SLC20A2: variants seen among roughly 807,000 people sequenced by gnomAD.
SLC20A2 encodes solute carrier family 20 member 2.
SLC20A2 carries 30 observed loss-of-function variants against 61.0 expected under a neutral mutation model. That is an observed-to-expected ratio of 0.49 (90% CI 0.37 to 0.67). SLC20A2 has a LOEUF of 0.67. SLC20A2 is among the 30% of genes least tolerant of loss of function. SLC20A2 has a pLI of 0.00. For missense variants in SLC20A2, 626 were observed against 866.4 expected (o/e 0.72, Z 3.48); for synonymous variants, 351 against 353.3 (o/e 0.99, Z 0.07).
chr8:42,467,482 G>A (rs899636829), intron 2 of SLC20A2, among the ~76,000 whole-genome samples: 3 of 152,186 alleles, frequency 2.0e-5, no homozygotes, highest in Non-Finnish European at 2.9e-5. Context: ...AGCTGGGCAC[G>A]TTATTAATCC....
intron 1 of SLC20A2, among the ~76,000 whole-genome samples, chr8:42,512,211 T>C (rs1811070782): frequency 6.6e-6 from 1 of 152,182 alleles, no homozygotes; most frequent in Non-Finnish European, 1.5e-5. Flanking sequence ...GACTCAGATC[T>C]GTTTTTTAAA....
chr8:42,539,439 T>C (rs902244806), intron 1 of SLC20A2, among the ~76,000 whole-genome samples: 12 of 152,224 alleles, frequency 7.9e-5, no homozygotes, highest in African/African-American at 2.9e-4. Context: ...AACTTACTAT[T>C]AATGCACAAA....
At chr8:42,535,983 G>A (rs1044302257) in intron 1 of SLC20A2, among the ~76,000 whole-genome samples, 8 of 152,120 alleles carry the variant, frequency 5.3e-5, no homozygotes, top group East Asian at 3.8e-4. Context: ...TCCTAGCTTC[G>A]TAGGCTGAAA....
intron 4 of SLC20A2, among the ~76,000 whole-genome samples, chr8:42,461,227 T>C (rs1806671919): frequency 2.6e-5 from 4 of 152,252 alleles, no homozygotes; most frequent in African/African-American, 9.6e-5. Context: ...GAGCCTGGCA[T>C]GAGTGACACA....
chr8:42,536,159 AAGGTAT>A lies in SLC20A2; in HGVS notation c.-265+5656_-265+5661del, dbSNP rs1389395069. Among the ~76,000 whole-genome samples, 4 of 152,346 alleles carry A rather than the reference AAGGTAT, an allele frequency of 2.6e-5. No individual in the cohort carries two copies. In the East Asian group the frequency reaches 7.7e-4, roughly 29 times the overall value. On this transcript the variant is annotated intron_variant, in intron 1 of 10. Coordinates refer to the SLC20A2 transcript ENST00000342228. ...TTCCTCAGATACTTAAACAGAACAC[AAGGTAT>A]AGGTCAATATTCATTATTACAAGTT...
chr8:42,519,922 C>T (rs1811540734), intron 1 of SLC20A2, among the ~76,000 whole-genome samples: 1 of 151,820 alleles, frequency 6.6e-6, no homozygotes, highest in Middle Eastern at 3.4e-3. Flanking sequence ...AACAAAAGTG[C>T]CAGTGGTGCT....
At chr8:42,460,095 C>T in intron 4 of SLC20A2, 103 bp from the exon 5 acceptor site, 1 of 680,824 alleles carries the variant, frequency 1.5e-6, no homozygotes, top group Non-Finnish European at 2.6e-6. Context: ...AAACTCTTCC[C>T]AAACCCCAGT....
chr8:42,444,258 C>T (rs1805033521), intron 6 of SLC20A2, among the ~76,000 whole-genome samples: 1 of 152,196 alleles, frequency 6.6e-6, no homozygotes, highest in African/African-American at 2.4e-5. Context: ...GGGAGAGTTC[C>T]AATTATTTCA....
At chr8:42,526,483 C>A (rs1343295004) in intron 1 of SLC20A2, among the ~76,000 whole-genome samples, 2 of 151,940 alleles carry the variant, frequency 1.3e-5, no homozygotes, top group African/African-American at 2.4e-5. Flanking sequence ...ACCCTCCTGG[C>A]TAACACAGTG....
intron 1 of SLC20A2, among the ~76,000 whole-genome samples, chr8:42,499,008 G>A (rs1810141429): frequency 1.3e-5 from 2 of 152,164 alleles, no homozygotes; most frequent in African/African-American, 4.8e-5. Context: ...ATCTGCAACC[G>A]GCAGCGATTC....
rs541034847 is a variant in SLC20A2, at chr8:42,486,108, A to C, written c.-264-13454T>G. ...GTAATTATATTGTCTTTTATCATTA[A>C]CTACTTAATTATCTTTAGCAGAGCT... On this transcript the variant is annotated intron_variant, in intron 1 of 10. Coordinates refer to ENST00000520262, the MANE Select transcript of SLC20A2 (RefSeq NM_001257180.2). Among the ~76,000 whole-genome samples the C allele has an allele frequency of 9.3e-4, 140 of 150,970 alleles. 1 individual carries two copies. The highest frequency in any genetic ancestry group is 3.2e-3 in the African/African-American group (132 of 40,832).
Position 42,521,173 on chromosome 8 carries a change from A to G in SLC20A2, c.-265+20648T>C, listed in dbSNP as rs1297380274. On this transcript the variant is annotated intron_variant, in intron 1 of 10. Transcript: ENST00000342228. ...CCCGTACACAAATGTTCATAGCAAC[A>G]CTATTTGTAAAAACAAAATAACCCA... is the stretch of plus-strand genomic sequence containing the variant. Among the ~76,000 whole-genome samples, 2 of 121,940 alleles carry G rather than the reference A, an allele frequency of 1.6e-5. 1 individual carries two copies. The allele number at this position is 121,940 out of a possible 152,430, so 80.0% of individuals were successfully genotyped here.
intron 10 of SLC20A2, among the ~76,000 whole-genome samples, chr8:42,426,793 A>AC (rs1217998998): frequency 6.6e-6 from 1 of 152,238 alleles, no homozygotes; most frequent in African/African-American, 2.4e-5. Context: ...TAGGTTAATC[A>AC]TTAAAAAGAT....
intron 1 of SLC20A2, chr8:42,534,609 C>G (rs139866124): frequency 2.0e-5 from 3 of 152,082 alleles, no homozygotes; most frequent in African/African-American, 7.2e-5. Flanking sequence ...GATCTATTTG[C>G]GAGGATTTAA....
At position 42,417,974 on chromosome 8, in the gene SLC20A2, G is replaced by A. The variant is rs1247443170; in HGVS notation, c.1795-7C>T. The A allele has an allele frequency of 6.2e-7, 1 of 1,611,624 alleles. No individual in the cohort carries two copies. The highest frequency in any genetic ancestry group is 2.2e-5 in the East Asian group (1 of 44,856). ...CGGCCACCACCGAGCCCACCTGTGG[G>A]AGCAGACATTGCAAAGTAAAAACAG... On this transcript the variant is annotated splice_region_variant and splice_polypyrimidine_tract_variant and intron_variant, in intron 10 of 10. Coordinates refer to ENST00000520262, the MANE Select transcript of SLC20A2 (RefSeq NM_001257180.2).
At chr8:42,460,898 T>C (rs1321628113) in intron 4 of SLC20A2, among the ~76,000 whole-genome samples, 2 of 152,188 alleles carry the variant, frequency 1.3e-5, no homozygotes, top group Non-Finnish European at 2.9e-5. Flanking sequence ...TACATGAACA[T>C]GCTACCTGCC....
intron 7 of SLC20A2, among the ~76,000 whole-genome samples, chr8:42,439,122 A>G (rs1031688777): frequency 1.3e-5 from 2 of 152,174 alleles, no homozygotes; most frequent in African/African-American, 4.8e-5. Flanking sequence ...GGGTTAACCA[A>G]CGTTCAGCAA....
chr8:42,492,924 A>G (rs1586196689), intron 1 of SLC20A2, among the ~76,000 whole-genome samples: 2 of 152,002 alleles, frequency 1.3e-5, no homozygotes, highest in Admixed American at 1.3e-4. Flanking sequence ...CTCGTGATCC[A>G]CCCACCTCAG....
intron 1 of SLC20A2, among the ~76,000 whole-genome samples, chr8:42,494,765 A>T (rs1004096545): frequency 6.6e-6 from 1 of 152,118 alleles, no homozygotes; most frequent in Admixed American, 6.5e-5. Flanking sequence ...AATAAGTAAA[A>T]TTTTTTACCT....
Sources: gnomAD v4.1 joint callset for allele counts (sites outside exome capture counted in the v4.1 genomes callset) on GRCh38, gnomAD v4.1.1 for gene constraint, MANE v1.5 for transcripts, NCBI Gene and HGNC (gene_info 2026-07-23, HGNC 2026-07-21) for gene names.